The following RXRG variants were observed in gnomAD, a reference collection of about 807,000 sequenced individuals.
RXRG encodes the protein retinoid X receptor gamma, also known as retinoic acid receptor RXR-gamma.
Under a neutral mutation model 49.2 loss-of-function variants are expected in RXRG, and 19 were observed. The ratio of observed to expected loss-of-function variants is 0.39; its 90% confidence interval spans 0.27 to 0.57. RXRG has a LOEUF of 0.57. Ranked by LOEUF, RXRG falls within the 20% of genes least tolerant of loss-of-function variation. The pLI is 0.64. For synonymous variants in RXRG, 224 were observed against 216.6 expected, an observed-to-expected ratio of 1.03 and a Z score of -0.30; for missense variants, 452 against 592.5, an observed-to-expected ratio of 0.76 and a Z score of 2.46.
chr1:165,432,133 G>T (rs1235097896), intron 1 of RXRG, among the ~76,000 whole-genome samples: 1 of 152,172 alleles, frequency 6.6e-6, no homozygotes, highest in Non-Finnish European at 1.5e-5. Context: ...ATGTGAAAGT[G>T]ATTTGAAAAT....
chr1:165,418,194 C>T (rs927709733), intron 3 of RXRG, among the ~76,000 whole-genome samples: 1 of 150,278 alleles, frequency 6.7e-6, no homozygotes, highest in Non-Finnish European at 1.5e-5. Flanking sequence ...GCCCTTATTA[C>T]CTGTCCACAC....
At chr1:165,423,934 G>T (rs1337106324) in intron 2 of RXRG, among the ~76,000 whole-genome samples, 1 of 152,042 alleles carries the variant, frequency 6.6e-6, no homozygotes, top group Non-Finnish European at 1.5e-5. Flanking sequence ...GACTCAAGAG[G>T]ATAATAATTC....
At chr1:165,408,521 G>A (rs952185448) in intron 7 of RXRG, among the ~76,000 whole-genome samples, 5 of 152,182 alleles carry the variant, frequency 3.3e-5, no homozygotes, top group Non-Finnish European at 5.9e-5. Flanking sequence ...TTAAAAACTA[G>A]CAGCAGCACG....
At position 165,434,271 on chromosome 1, in the gene RXRG, C is replaced by CGTGTGTGT. The variant is rs1491363219; in HGVS notation, c.50-5306_50-5305insACACACAC. On this transcript the variant is annotated intron_variant, in intron 1 of 9. Transcript: ENST00000359842. ...ACCACAATCTCTAAACAATGAATTG[C>CGTGTGTGT]ATGTGTGTATGTGTGTGTGTGTGTG... Among the ~76,000 whole-genome samples the CGTGTGTGT allele has an allele frequency of 8.1e-3, 982 of 120,774 alleles. 3 individuals are homozygous for CGTGTGTGT. Among genetic ancestry groups the CGTGTGTGT allele is most frequent in the African/African-American group, 0.016 (407 of 25,454 alleles). The allele number at this position is 120,774 out of a possible 152,430, so 79.2% of individuals were successfully genotyped here. A position where few individuals can be genotyped will look rare whatever the true frequency, so the allele number is the denominator to read the frequency against.
At chr1:165,440,126 G>A (rs1361873254) in intron 1 of RXRG, among the ~76,000 whole-genome samples, 2 of 152,196 alleles carry the variant, frequency 1.3e-5, no homozygotes, top group Non-Finnish European at 2.9e-5. Flanking sequence ...TCTGTGCTGG[G>A]TAACTGCTGT....
rs1462496099 is a variant in RXRG at position 165,401,306 on chromosome 1, G to T, written c.1349C>A (p.Thr450Asn). 2.5e-6 allele frequency: 4 copies of T among 1,614,160 alleles called. No individual in the cohort carries two copies. ...FKLIGDTPIDTFLMEMLETPL... is the reference protein window; with the variant it reads ...FKLIGDTPIDNFLMEMLETPL... ...GGTCTCCAACATCTCCATGAGGAAG[G>T]TGTCAATGGGGGTGTCCCCGATGAG... Residue 450 changes from threonine to asparagine, a missense_variant, in exon 10 of 10, where the codon ACC becomes AAC. This residue lies in a region of RXRG where 286 missense variants were observed against 440.9 expected (regional missense o/e 0.65). Coordinates refer to ENST00000359842, the MANE Select transcript of RXRG (RefSeq NM_006917.5).
Position 165,436,980 on chromosome 1 carries a change from C to G in RXRG, c.49+7865G>C, listed in dbSNP as rs1030487886. 29 of 1,123,784 alleles carry G rather than the reference C, an allele frequency of 2.6e-5. 1 individual carries two copies. The South Asian group carries it at 5.4e-4, about 21-fold the overall frequency. 69.6% of individuals were successfully genotyped at this position (1,123,784 alleles called of 1,614,324 possible). On this transcript the variant is annotated intron_variant, in intron 1 of 9. Transcript: ENST00000359842. ...AAGCATTTACAAGATGTCAGAGGAA[C>G]GGGAAACAAAGCACTTAATGAATAT...
chr1:165,430,442 T>C (rs1430015871), intron 1 of RXRG, among the ~76,000 whole-genome samples: 1 of 152,210 alleles, frequency 6.6e-6, no homozygotes, highest in Non-Finnish European at 1.5e-5. Flanking sequence ...GTGAAACTAT[T>C]CTTAAACGTA....
At chr1:165,410,194 G>A (rs1357525320) in intron 6 of RXRG, among the ~76,000 whole-genome samples, 1 of 152,170 alleles carries the variant, frequency 6.6e-6, no homozygotes, top group East Asian at 1.9e-4. Flanking sequence ...CCAATGCTCA[G>A]CCAATCTTCA....
intron 2 of RXRG, among the ~76,000 whole-genome samples, chr1:165,426,392 C>G (rs1282465707): frequency 6.6e-6 from 1 of 152,200 alleles, no homozygotes; most frequent in Non-Finnish European, 1.5e-5. Context: ...CATTGACTTA[C>G]ACAACCCTTC....
At chr1:165,430,395 G>A (rs532862542) in intron 1 of RXRG, among the ~76,000 whole-genome samples, 2 of 152,352 alleles carry the variant, frequency 1.3e-5, no homozygotes, top group East Asian at 3.9e-4. Context: ...CTTCTTTCAA[G>A]TTCTGGTAGA....
rs148647150 is a variant in RXRG, at chr1:165,437,520, G to A, written c.49+7325C>T. 3.3e-3 allele frequency among the ~76,000 whole-genome samples: 497 copies of A among 152,268 alleles called. 6 individuals carry two copies. Among genetic ancestry groups the A allele is most frequent in the East Asian group, 0.011 (58 of 5,178 alleles). The stretch of plus-strand genomic sequence containing the variant: ...GTTCGCTGTATTTTAAGAGACTGCC[G>A]TCTTTAGAAGACAATCTATAGAGAT... On this transcript the variant is annotated intron_variant, in intron 1 of 9. Transcript: ENST00000359842.
chr1:165,443,451 G>A (rs903348884), intron 1 of RXRG, among the ~76,000 whole-genome samples: 7 of 152,114 alleles, frequency 4.6e-5, no homozygotes, highest in Admixed American at 3.3e-4. Context: ...ATTGGCCACC[G>A]CTCTCACTCT....
At chr1:165,402,545 C>A (rs1433851061) in intron 9 of RXRG, among the ~76,000 whole-genome samples, 1 of 145,060 alleles carries the variant, frequency 6.9e-6, no homozygotes, top group Non-Finnish European at 1.5e-5. Context: ...TTATCCTACA[C>A]ACTCACACAT....
At chr1:165,411,625 T>A (rs1657952191) in intron 4 of RXRG, among the ~76,000 whole-genome samples, 1 of 152,140 alleles carries the variant, frequency 6.6e-6, no homozygotes, top group South Asian at 2.1e-4. Flanking sequence ...TCAGGGAAGA[T>A]CTTTAGGGAG....
chr1:165,423,180 G>C (rs189782581), intron 2 of RXRG, among the ~76,000 whole-genome samples: 12 of 152,308 alleles, frequency 7.9e-5, no homozygotes, highest in African/African-American at 2.6e-4. Flanking sequence ...TGGCAGATGA[G>C]ATCAAAGGCA....
chr1:165,441,907 G>C (rs770297143), intron 1 of RXRG, among the ~76,000 whole-genome samples: 3 of 152,186 alleles, frequency 2.0e-5, no homozygotes, highest in Non-Finnish European at 4.4e-5. Context: ...CACCTTTGTG[G>C]AGCCACCACG....
chr1:165,406,758 T>G (rs1657764648), intron 9 of RXRG, 54 bp downstream of exon 9: 2 of 1,251,156 alleles, frequency 1.6e-6, no homozygotes, highest in Non-Finnish European at 2.4e-6. Flanking sequence ...GCTCAGTAGA[T>G]GAAGAGTGGG....
intron 3 of RXRG, among the ~76,000 whole-genome samples, chr1:165,418,398 A>G (rs555869458): frequency 1.3e-5 from 2 of 152,190 alleles, no homozygotes; most frequent in African/African-American, 4.8e-5. Flanking sequence ...CATTCAAAAC[A>G]TATTTGTGTC....
Sources: allele counts gnomAD v4.1 joint callset (sites outside exome capture counted in the v4.1 genomes callset), GRCh38; gene constraint gnomAD v4.1.1; regional missense constraint gnomAD v4.1.1; transcripts MANE v1.5; gene names NCBI Gene and HGNC (gene_info 2026-07-23, HGNC 2026-07-21).